The following CALU variants were observed in gnomAD, a reference collection of about 807,000 sequenced individuals.
The protein encoded by CALU is IEF SSP 9302.
CALU carries 13 observed loss-of-function variants against 37.5 expected under a neutral mutation model. The observed-to-expected ratio is 0.35, with a 90% CI of 0.23 to 0.55. The LOEUF is 0.55. Among genes scored for constraint, CALU ranks in the 20% least tolerant of loss-of-function variants. The pLI is 0.89. For synonymous variants in CALU, 114 were observed against 133.8 expected (o/e 0.85, Z 1.02); for missense variants, 282 against 391.7 (o/e 0.72, Z 2.36).
At chr7:128,753,088 A>G (rs1280275575) in intron 2 of CALU, among the ~76,000 whole-genome samples, 1 of 152,280 alleles carries the variant, frequency 6.6e-6, no homozygotes, top group East Asian at 1.9e-4. Flanking sequence ...GGATTTAAGT[A>G]ATAGTTGTAT....
rs570210964 is a variant in CALU at position 128,752,920 on chromosome 7, C to T, written c.222-1342C>T. Among the ~76,000 whole-genome samples, 12 of 152,236 alleles carry T rather than the reference C, an allele frequency of 7.9e-5. No individual in the cohort carries two copies. The East Asian group carries it at 9.7e-4, about 12-fold the overall frequency. ...GGCTGGTCTCGAATTCCTCACCTCC[C>T]GCCAGGTGATCTGCCCGCCTCGGCC... On this transcript the variant is annotated intron_variant, in intron 2 of 6. Coordinates refer to ENST00000249364, the MANE Select transcript of CALU (RefSeq NM_001219.5).
At chr7:128,753,344 CATTACATAGG>C (rs1303253007) in intron 2 of CALU, among the ~76,000 whole-genome samples, 1 of 152,214 alleles carries the variant, frequency 6.6e-6, no homozygotes, top group Admixed American at 6.5e-5. Flanking sequence ...ACTTGGGTGA[CATTACATAGG>C]ATGACTTTGC....
chr7:128,763,263 G>A (rs2128882328), intron 5 of CALU, among the ~76,000 whole-genome samples: 1 of 152,274 alleles, frequency 6.6e-6, no homozygotes, highest in East Asian at 1.9e-4. Flanking sequence ...GAGCATGGTG[G>A]CTCATGCCTG....
In CALU at chr7:128,772,989, A is replaced by T. The variant is rs560402413; in HGVS notation, c.*3822A>T. Among the ~76,000 whole-genome samples the T allele has an allele frequency of 2.6e-5, 4 of 152,340 alleles. No individual in the cohort carries two copies. Among genetic ancestry groups the T allele is most frequent in the African/African-American group, 9.6e-5 (4 of 41,576 alleles). On this transcript the variant is annotated 3_prime_UTR_variant, in exon 7 of 7. Coordinates refer to ENST00000249364, the MANE Select transcript of CALU (RefSeq NM_001219.5). ...TGGAAAGGACTGCCAATTCTCTTCTATCCAGGGAGGTTTCAAATTAGTTTT... is the reference window on the plus strand; with the variant it reads ...TGGAAAGGACTGCCAATTCTCTTCTTTCCAGGGAGGTTTCAAATTAGTTTT...
At chr7:128,759,154 T>TA in intron 4 of CALU, 117 bp downstream of exon 4, 2 of 708,662 alleles carry the variant, frequency 2.8e-6, no homozygotes, top group Non-Finnish European at 4.5e-6. Context: ...ATATAGCATA[T>TA]CACTGTATAT....
At chr7:128,749,105 GA>G (rs924017325) in intron 2 of CALU, among the ~76,000 whole-genome samples, 12 of 152,128 alleles carry the variant, frequency 7.9e-5, no homozygotes, top group African/African-American at 2.7e-4. Flanking sequence ...AGCATGGGGG[GA>G]TTTCTCATCT....
chr7:128,742,125 A>G (rs372185965), intron 1 of CALU, among the ~76,000 whole-genome samples: 1 of 152,228 alleles, frequency 6.6e-6, no homozygotes, highest in African/African-American at 2.4e-5. Context: ...CATGACTTTT[A>G]TCAAATCATG....
intron 2 of CALU, among the ~76,000 whole-genome samples, chr7:128,750,301 G>T (rs574261649): frequency 6.6e-6 from 1 of 151,336 alleles, no homozygotes; most frequent in African/African-American, 2.4e-5. Context: ...TATTGTGCAC[G>T]TCCAACCCAC....
intron 5 of CALU, among the ~76,000 whole-genome samples, chr7:128,761,837 T>G (rs965792855): frequency 2.6e-5 from 4 of 152,226 alleles, no homozygotes; most frequent in Non-Finnish European, 5.9e-5. Context: ...AATCCTTACC[T>G]CTATCACCTG....
chr7:128,772,753 T>G lies in CALU; in HGVS notation c.*3586T>G. 2.6e-6 allele frequency: 4 copies of G among 1,523,418 alleles called. No individual in the cohort carries two copies. The highest frequency in any genetic ancestry group is 3.6e-6 in the Non-Finnish European group (4 of 1,100,434). 94.4% of individuals were successfully genotyped at this position (1,523,418 alleles called of 1,614,324 possible). ...TCTGTATCACCAAAGCCTTGCACAATGCTTTGTACCCAGAATGCCCTTAGG... is the reference window on the plus strand; with the variant it reads ...TCTGTATCACCAAAGCCTTGCACAAGGCTTTGTACCCAGAATGCCCTTAGG... On this transcript the variant is annotated 3_prime_UTR_variant, in exon 7 of 7. Transcript: ENST00000249364.
intron 5 of CALU, among the ~76,000 whole-genome samples, chr7:128,760,579 T>G (rs770079597): frequency 6.6e-6 from 1 of 152,108 alleles, no homozygotes; most frequent in Admixed American, 6.5e-5. Flanking sequence ...AGCACAGATA[T>G]AGTGTATCCT....
chr7:128,767,512 C>T lies in CALU; in HGVS notation c.700C>T (p.Arg234Ter). The T allele has an allele frequency of 6.2e-7, 1 of 1,613,934 alleles. No homozygotes were observed. The highest frequency in any genetic ancestry group is 8.5e-7 in the Non-Finnish European group (1 of 1,179,882). Reference sequence around the variant, plus strand: ...TGAGCCAGAATGGGTAAAGACAGAGCGAGAGCAGTTTGTTGAGTTTCGGGA... The same window carrying T: ...TGAGCCAGAATGGGTAAAGACAGAGTGAGAGCAGTTTGTTGAGTTTCGGGA... ...TDEPEWVKTE[R>*]EQFVEFRDKN... The change falls in exon 6 of 7, where the codon CGA becomes TGA. Residue 234 changes from arginine (R) to a stop codon, truncating the protein, a stop_gained. Coordinates refer to ENST00000249364, the MANE Select transcript of CALU (RefSeq NM_001219.5). LOFTEE classifies it high-confidence loss of function.
At position 128,772,505 on chromosome 7, in the gene CALU, A is replaced by C; in HGVS notation, c.*3338A>C. 1.2e-6 allele frequency: 2 copies of C among 1,613,792 alleles called. No individual in the cohort carries two copies. Among genetic ancestry groups the C allele is most frequent in the Non-Finnish European group, 1.7e-6 (2 of 1,179,710 alleles). On this transcript the variant is annotated 3_prime_UTR_variant, in exon 7 of 7. Transcript: ENST00000249364. ...GAAACTTACTTAAAAGTAAAATTTA[A>C]TTCTAGCTGTTGCAAACAGGCCAAT...
intron 5 of CALU, among the ~76,000 whole-genome samples, chr7:128,762,938 A>G (rs1233790482): frequency 6.6e-6 from 1 of 152,034 alleles, no homozygotes; most frequent in East Asian, 1.9e-4. Flanking sequence ...AAGTGCTGGG[A>G]TTACAAGTGT....
chr7:128,772,642 C>T lies in CALU; in HGVS notation c.*3475C>T. The stretch of plus-strand genomic sequence containing the variant: ...TCATGGCCTTCCCACACACCATCTT[C>T]ATGATGCAAGCTTGGAACTGGAGAG... On this transcript the variant is annotated 3_prime_UTR_variant, in exon 7 of 7. Coordinates refer to ENST00000249364, the MANE Select transcript of CALU (RefSeq NM_001219.5). 1 of 1,614,124 alleles carries T rather than the reference C, an allele frequency of 6.2e-7. No homozygotes were observed. Among genetic ancestry groups the T allele is most frequent in the Non-Finnish European group, 8.5e-7 (1 of 1,179,990 alleles).
intron 1 of CALU, among the ~76,000 whole-genome samples, chr7:128,746,762 C>CTTT (rs71162530): frequency 0.18 from 21,175 of 117,664 alleles, 3,424 homozygotes; most frequent in Non-Finnish European, 0.27. Flanking sequence ...TCATGTCATT[C>CTTT]TTTTTTTTTT....
Position 128,769,056 on chromosome 7 carries a change from C to T in CALU, c.844-7C>T. 1 of 1,542,908 alleles carries T rather than the reference C, an allele frequency of 6.5e-7. No individual in the cohort carries two copies. Among genetic ancestry groups the T allele is most frequent in the Non-Finnish European group, 9.0e-7 (1 of 1,115,924 alleles). On this transcript the variant is annotated splice_region_variant and splice_polypyrimidine_tract_variant and intron_variant, in intron 6 of 6. Coordinates refer to ENST00000249364, the MANE Select transcript of CALU (RefSeq NM_001219.5). ...CTTCTTCAATTCATTGCTATCTCTA[C>T]TTTCAGGATGGCAAGCTTACCAAGG...
chr7:128,772,575 A>G lies in CALU; in HGVS notation c.*3408A>G. On this transcript the variant is annotated 3_prime_UTR_variant, in exon 7 of 7. Coordinates refer to ENST00000249364, the MANE Select transcript of CALU (RefSeq NM_001219.5). ...CCAACTTGGGTAGACGAGACAGTAG[A>G]AACTTCTGTTTTCTGGGAGCTGCAT... is the stretch of plus-strand genomic sequence containing the variant. 6.2e-7 allele frequency: 1 copy of G among 1,614,152 alleles called. No individual in the cohort carries two copies. Among genetic ancestry groups the G allele is most frequent in the Non-Finnish European group, 8.5e-7 (1 of 1,180,012 alleles).
rs1485232656 is a variant in CALU at position 128,773,356 on chromosome 7, ATGG to A, written c.*4194_*4196del. Among the ~76,000 whole-genome samples the A allele has an allele frequency of 2.0e-5, 3 of 152,188 alleles. No homozygotes were observed. In the East Asian group the frequency reaches 5.8e-4, roughly 29 times the overall value. On this transcript the variant is annotated 3_prime_UTR_variant, in exon 7 of 7. Coordinates refer to ENST00000249364, the MANE Select transcript of CALU (RefSeq NM_001219.5). Reference sequence around the variant, plus strand: ...TTTGTTACATAGGTAAACGTGTGCCATGGTGGTTTGCTGCACGAGTTTTTCAAT... The same window carrying A: ...TTTGTTACATAGGTAAACGTGTGCCATGGTTTGCTGCACGAGTTTTTCAAT...
Sources: gnomAD v4.1 joint callset for allele counts (sites outside exome capture counted in the v4.1 genomes callset) on GRCh38, gnomAD v4.1.1 for gene constraint, MANE v1.5 for transcripts, NCBI Gene and HGNC (gene_info 2026-07-23, HGNC 2026-07-21) for gene names.